VPS72: variants seen among roughly 807,000 people sequenced by gnomAD.
The protein encoded by VPS72 is vacuolar protein sorting 72 homolog, also known as vacuolar protein sorting-associated protein 72 homolog.
A neutral mutation model predicts 38.9 loss-of-function variants in VPS72; 27 were observed. That is an observed-to-expected ratio of 0.69 (90% confidence interval 0.51 to 0.96). The LOEUF is 0.96. Among genes scored for constraint, VPS72 ranks in the 40% least tolerant of loss-of-function variants. The pLI, the probability that VPS72 is intolerant of heterozygous loss-of-function variation, is 0.00. For missense variants in VPS72, 360 were observed against 479.5 expected (o/e 0.75, Z 2.33); for synonymous variants, 173 against 186.3 (o/e 0.93, Z 0.58).
chr1:151,185,379 G>A (rs1483243346), intron 3 of VPS72, 127 bp downstream of exon 3: 1 of 866,208 alleles, frequency 1.2e-6, no homozygotes, highest in Admixed American at 1.8e-5. Context: ...ACCCGCCTAG[G>A]CCTCCCAAAG....
chr1:151,186,696 G>A (rs1035128311), intron 1 of VPS72, among the ~76,000 whole-genome samples: 3 of 152,188 alleles, frequency 2.0e-5, no homozygotes, highest in Admixed American at 2.0e-4. Context: ...ATGGTAATGT[G>A]TATAGCATGT....
chr1:151,176,798 C>T lies in VPS72; in HGVS notation c.941G>A (p.Arg314Gln), dbSNP rs949912537. 10 of 1,613,952 alleles carry T rather than the reference C, an allele frequency of 6.2e-6. No individual in the cohort carries two copies. The highest frequency in any genetic ancestry group is 1.7e-5 in the Admixed American group (1 of 59,976). Residue 314 changes from arginine (R) to glutamine (Q), a missense_variant, in exon 6 of 6, where the codon CGA (arginine) becomes CAA (glutamine). By Grantham distance (43) the Arg-to-Gln change is conservative. Coordinates refer to ENST00000368892, the MANE Select transcript of VPS72 (RefSeq NM_005997.3). Reference protein sequence around the residue: ...PVTDIPYATARAFKIIREAYK... With the variant: ...PVTDIPYATAQAFKIIREAYK... ...AGCCTCACGAATGATCTTGAAGGCT[C>T]GAGCAGTGGCATAGGGTATGTCTGT...
intron 1 of VPS72, among the ~76,000 whole-genome samples, chr1:151,187,656 A>G (rs61819226): frequency 9.7e-4 from 147 of 152,328 alleles, no homozygotes; most frequent in Non-Finnish European, 1.7e-3. Flanking sequence ...TTTATAATAT[A>G]AGGATATAAT....
At position 151,177,017 on chromosome 1, in the gene VPS72, G is replaced by C; in HGVS notation, c.722C>G (p.Pro241Arg). The C allele has an allele frequency of 3.2e-6, 5 of 1,567,218 alleles. No individual in the cohort carries two copies. Among genetic ancestry groups the C allele is most frequent in the South Asian group, 1.2e-5 (1 of 83,252 alleles). ...NVDIEGLDPA[P>R]SVSALTPHAG... ...ATGAGGAGTCAATGCAGACACCGAG[G>C]GAGCAGGATCAAGTCTGAGGACAAA... The change falls in exon 6 of 6, where the codon CCC becomes CGC. Residue 241 changes from proline to arginine, a missense_variant. Pro to Arg is a moderately radical substitution (Grantham distance 103, BLOSUM62 -2). Transcript: ENST00000368892.
chr1:151,187,155 A>G (rs1439670272), intron 1 of VPS72, among the ~76,000 whole-genome samples: 1 of 152,180 alleles, frequency 6.6e-6, no homozygotes, highest in Non-Finnish European at 1.5e-5. Flanking sequence ...CGTGAAGTAC[A>G]GCCTAGACCT....
chr1:151,182,595 C>G (rs1343360979), intron 4 of VPS72, among the ~76,000 whole-genome samples: 1 of 152,182 alleles, frequency 6.6e-6, no homozygotes, highest in African/African-American at 2.4e-5. Context: ...AAGTTTTGCT[C>G]CCCAATATAC....
chr1:151,178,025 T>C lies in VPS72; in HGVS notation c.683A>G (p.Lys228Arg). The change falls in exon 5 of 6, where the codon AAG becomes AGG. Residue 228 changes from lysine to arginine, a missense_variant. Transcript: ENST00000368892. Reference protein sequence around the residue: ...TVPLVGEPGPKEENVDIEGLD... With the variant: ...TVPLVGEPGPREENVDIEGLD... The stretch of plus-strand genomic sequence containing the variant: ...CCCTTCTATGTCAACGTTCTCTTCC[T>C]TGGGGCCTGGCTCCCCAACAAGTGG... 6.2e-7 allele frequency: 1 copy of C among 1,614,132 alleles called. No homozygotes were observed. Among genetic ancestry groups the C allele is most frequent in the Non-Finnish European group, 8.5e-7 (1 of 1,180,012 alleles).
chr1:151,178,048 T>C lies in VPS72; in HGVS notation c.660A>G (p.Pro220=). The change falls in exon 5 of 6, where the codon CCA becomes CCG. Residue 220 remains proline (P), a synonymous_variant. Transcript: ENST00000368892. The part of the protein sequence containing the change: ...PIITYHSVTV[P]LVGEPGPKEE... ...CCTTGGGGCCTGGCTCCCCAACAAGTGGCACTGTCACTGAATGATAGGTGA... is the reference window on the plus strand; with the variant it reads ...CCTTGGGGCCTGGCTCCCCAACAAGCGGCACTGTCACTGAATGATAGGTGA... The C allele has an allele frequency of 1.9e-6, 3 of 1,614,106 alleles. No homozygotes were observed. The highest frequency in any genetic ancestry group is 4.5e-5 in the East Asian group (2 of 44,878).
intron 1 of VPS72, among the ~76,000 whole-genome samples, chr1:151,188,049 T>G (rs1684389999): frequency 6.6e-6 from 1 of 151,492 alleles, no homozygotes; most frequent in Non-Finnish European, 1.5e-5. Flanking sequence ...GATGTGGGTT[T>G]TTTTTTTTTT....
chr1:151,178,086 G>C lies in VPS72; in HGVS notation c.622C>G (p.Pro208Ala). ...GAATGATAGGTGATTATGGGCCCGG[G>C]GCACTTCCGCTTCTTATGAACCTGC... ...KKQVHKKRKC[P>A]GPIITYHSVT... is the part of the protein sequence containing the mutation. Residue 208 changes from proline to alanine, a missense_variant, in exon 5 of 6, where the codon CCC (proline) becomes GCC (alanine). By Grantham distance (27) the Pro-to-Ala change is conservative. Transcript: ENST00000368892. 6.2e-7 allele frequency: 1 copy of C among 1,614,074 alleles called. No individual in the cohort carries two copies. Among genetic ancestry groups the C allele is most frequent in the Non-Finnish European group, 8.5e-7 (1 of 1,180,018 alleles).
chr1:151,187,666 T>A (rs587695802), intron 1 of VPS72, among the ~76,000 whole-genome samples: 16 of 152,324 alleles, frequency 1.1e-4, no homozygotes, highest in Non-Finnish European at 1.6e-4. Context: ...AAGGATATAA[T>A]GATAAATGCT....
intron 1 of VPS72, among the ~76,000 whole-genome samples, chr1:151,188,026 T>C (rs1038690633): frequency 6.6e-6 from 1 of 151,596 alleles, no homozygotes. Flanking sequence ...GTGTCAGTAA[T>C]GACTCTGTCA....
intron 1 of VPS72, 26 bp downstream of exon 1, chr1:151,189,979 T>TC: frequency 6.2e-7 from 1 of 1,612,138 alleles, no homozygotes; most frequent in East Asian, 2.2e-5. Flanking sequence ...CCTCCTCCCC[T>TC]CCCTTTTCCC....
chr1:151,189,414 T>C (rs1479900595), intron 1 of VPS72, among the ~76,000 whole-genome samples: 1 of 152,132 alleles, frequency 6.6e-6, no homozygotes, highest in African/African-American at 2.4e-5. Flanking sequence ...TACAATGCAA[T>C]AGAAAAGCAT....
At chr1:151,183,492 C>T (rs1335296933) in intron 4 of VPS72, among the ~76,000 whole-genome samples, 9 of 150,478 alleles carry the variant, frequency 6.0e-5, no homozygotes, top group Non-Finnish European at 1.2e-4. Context: ...CCAAACCAAT[C>T]GCTCTGTAGC....
chr1:151,178,128 C>G lies in VPS72; in HGVS notation c.580G>C (p.Glu194Gln). Residue 194 changes from glutamate to glutamine, a missense_variant, in exon 5 of 6, where the codon GAG becomes CAG. Coordinates refer to ENST00000368892, the MANE Select transcript of VPS72 (RefSeq NM_005997.3). ...LRSLETYERL[E>Q]ADKKKQVHKK... is the part of the protein sequence containing the mutation. Reference sequence around the variant, plus strand: ...TGAACCTGCTTCTTTTTATCAGCCTCGAGCCGCTCATATGTCTCTTTAGGG... The same window carrying G: ...TGAACCTGCTTCTTTTTATCAGCCTGGAGCCGCTCATATGTCTCTTTAGGG... The G allele has an allele frequency of 1.9e-6, 3 of 1,613,846 alleles. No individual in the cohort carries two copies. Among genetic ancestry groups the G allele is most frequent in the Non-Finnish European group, 2.5e-6 (3 of 1,179,970 alleles).
intron 4 of VPS72, among the ~76,000 whole-genome samples, chr1:151,180,744 CT>C (rs1558213583): frequency 1.3e-5 from 2 of 152,106 alleles, no homozygotes. Flanking sequence ...CCCAACCCCT[CT>C]ACTTTCAAAC....
At position 151,176,873 on chromosome 1, in the gene VPS72, C is replaced by G; in HGVS notation, c.866G>C (p.Arg289Pro). ...ACGATGGGTCACTGGACAGACCTCA[C>G]GAACAGGGACTTTTGGGGGCCGCCC... ...PQGRPPKVPV[R>P]EVCPVTHRPA... Residue 289 changes from arginine (R) to proline (P), a missense_variant, in exon 6 of 6, where the codon CGT (arginine) becomes CCT (proline). Physicochemically the swap from Arg to Pro is moderately radical, Grantham distance 103 (BLOSUM62 -2). This residue lies in a region of VPS72 where 294 missense variants were observed against 356.3 expected (regional missense o/e 0.83). Transcript: ENST00000368892. 5 of 1,614,090 alleles carry G rather than the reference C, an allele frequency of 3.1e-6. No individual in the cohort carries two copies. Among genetic ancestry groups the G allele is most frequent in the Non-Finnish European group, 4.2e-6 (5 of 1,180,010 alleles).
intron 4 of VPS72, among the ~76,000 whole-genome samples, chr1:151,182,698 C>T (rs1684266298): frequency 1.3e-5 from 2 of 152,290 alleles, no homozygotes; most frequent in East Asian, 1.9e-4. Flanking sequence ...TACTAATCAT[C>T]GTCTCAGCAG....
Sources: gnomAD v4.1 joint callset for allele counts (sites outside exome capture counted in the v4.1 genomes callset) on GRCh38, gnomAD v4.1.1 for gene constraint, gnomAD v4.1.1 regional missense constraint, MANE v1.5 for transcripts, NCBI Gene and HGNC (gene_info 2026-07-23, HGNC 2026-07-21) for gene names.